Variants in NXPH3 observed in about 807,000 individuals in gnomAD.
The protein encoded by NXPH3 is neurexophilin-3.
NXPH3 carries 7 observed loss-of-function variants against 18.8 expected under a neutral mutation model. The observed-to-expected ratio is 0.37, with a 90% CI of 0.21 to 0.70. The LOEUF (loss-of-function observed/expected upper bound fraction) is 0.70, where lower values mean the gene tolerates loss of function less well. Ranked by LOEUF, NXPH3 falls within the 30% of genes least tolerant of loss-of-function variation. The pLI is 0.53. For synonymous variants in NXPH3, 101 were observed against 137.3 expected, an observed-to-expected ratio of 0.74 and a Z score of 1.85; for missense variants, 282 against 338.1, an observed-to-expected ratio of 0.83 and a Z score of 1.30.
Position 49,581,975 on chromosome 17 carries a change from T to C in NXPH3, c.*2675T>C, listed in dbSNP as rs1427652592. The C allele has an allele frequency of 2.0e-5, 12 of 598,652 alleles. No homozygotes were observed. Among genetic ancestry groups the C allele is most frequent in the Middle Eastern group, 3.4e-4 (1 of 2,900 alleles). The allele number at this position is 598,652 out of a possible 1,614,324, so 37.1% of individuals were successfully genotyped here. A position where few individuals can be genotyped will look rare whatever the true frequency, so the allele number is the denominator to read the frequency against. On this transcript the variant is annotated 3_prime_UTR_variant, in exon 2 of 2. Coordinates refer to ENST00000328741, the MANE Select transcript of NXPH3 (RefSeq NM_007225.4). ...TGCCGCCTCATCCCTCCTTTCCACC[T>C]TCCCCAGTAGCCTGGCTGCTCTCCT...
chr17:49,576,368 C>A, intron 1 of NXPH3, 95 bp downstream of exon 1: 1 of 1,355,412 alleles, frequency 7.4e-7, no homozygotes, highest in Non-Finnish European at 1.0e-6. Flanking sequence ...TTTCTCCCTT[C>A]CCCCGACATC....
chr17:49,577,456 G>A (rs996447008), intron 1 of NXPH3, among the ~76,000 whole-genome samples: 9 of 152,172 alleles, frequency 5.9e-5, no homozygotes, highest in Non-Finnish European at 1.2e-4. Context: ...CCACAGCCAG[G>A]CTGCGCCTCA....
rs2071579546 is a variant in NXPH3, at chr17:49,578,031, C to T, written c.55-565C>T. The T allele has an allele frequency of 6.6e-6, 1 of 152,646 alleles. No homozygotes were observed. Among genetic ancestry groups the T allele is most frequent in the Non-Finnish European group, 1.5e-5 (1 of 68,398 alleles). 9.5% of individuals were successfully genotyped at this position (152,646 alleles called of 1,614,324 possible). A position where few individuals can be genotyped will look rare whatever the true frequency, so the allele number is the denominator to read the frequency against. ...GTCTTACCCAACAGACTAGGAAGTC[C>T]CAAAAGGCAGGGGCTGGCCTCTCCT... On this transcript the variant is annotated intron_variant, in intron 1 of 1. Transcript: ENST00000328741. The surrounding 1 kb of genome is among the most constrained non-coding windows in gnomAD (Gnocchi z 4.5).
Position 49,579,598 on chromosome 17 carries a change from G to A in NXPH3, c.*298G>A. On this transcript the variant is annotated 3_prime_UTR_variant, in exon 2 of 2. Transcript: ENST00000328741. This position sits in a 1 kb window ranked among gnomAD's most constrained non-coding sequence, Gnocchi z 6.0. ...AGCCACAGAGAGATGCTGGGTCCCC[G>A]AGGCCTGTGGGCAGGCCGATCAGTG... 7.1e-6 allele frequency: 3 copies of A among 422,874 alleles called. No homozygotes were observed. The highest frequency in any genetic ancestry group is 3.9e-5 in the Admixed American group (1 of 25,448). The allele number at this position is 422,874 out of a possible 1,614,324, so 26.2% of individuals were successfully genotyped here.
chr17:49,582,251 G>A lies in NXPH3; in HGVS notation c.*2951G>A, dbSNP rs2071604622. On this transcript the variant is annotated 3_prime_UTR_variant, in exon 2 of 2. Transcript: ENST00000328741. ...CACTCTTGCCATGCACACACTCACA[G>A]GAGATTCCTCTGAAGAAACCTGTCC... 1 of 253,152 alleles carries A rather than the reference G, an allele frequency of 4.0e-6. No homozygotes were observed. The highest frequency in any genetic ancestry group is 7.5e-6 in the Non-Finnish European group (1 of 132,550). The allele number at this position is 253,152 out of a possible 1,614,324, so 15.7% of individuals were successfully genotyped here. A position where few individuals can be genotyped will look rare whatever the true frequency, so the allele number is the denominator to read the frequency against.
At position 49,578,985 on chromosome 17, in the gene NXPH3, C is replaced by T. The variant is rs1300573999; in HGVS notation, c.444C>T (p.Leu148=). Residue 148 remains leucine (L), a synonymous_variant, in exon 2 of 2, where the codon CTC becomes CTT. Coordinates refer to ENST00000328741, the MANE Select transcript of NXPH3 (RefSeq NM_007225.4). This position sits in a 1 kb window ranked among gnomAD's most constrained non-coding sequence, Gnocchi z 4.5. ...GCCAGGGAAACATCTCCATCAGCCT[C>T]GTGCCCCCCAGTAAAGCTGTAGAGT... ...ATGQGNISIS[L]VPPSKAVEFH... 7 of 1,614,220 alleles carry T rather than the reference C, an allele frequency of 4.3e-6. No homozygotes were observed. The South Asian group carries it at 4.4e-5, about 10-fold the overall frequency.
chr17:49,581,444 T>C lies in NXPH3; in HGVS notation c.*2144T>C. ...ACCTTTCGCCCCTGCCCACCAGCGC[T>C]CCGCGCAAACTGGTCCCCTCATACT... On this transcript the variant is annotated 3_prime_UTR_variant, in exon 2 of 2. Transcript: ENST00000328741. 1.7e-6 allele frequency: 1 copy of C among 601,976 alleles called. No homozygotes were observed. Among genetic ancestry groups the C allele is most frequent in the East Asian group, 2.8e-5 (1 of 36,022 alleles). The allele number at this position is 601,976 out of a possible 1,614,324, so 37.3% of individuals were successfully genotyped here.
Position 49,582,163 on chromosome 17 carries a change from A to C in NXPH3, c.*2863A>C. 2.2e-6 allele frequency: 1 copy of C among 447,322 alleles called. No homozygotes were observed. The highest frequency in any genetic ancestry group is 3.9e-6 in the Non-Finnish European group (1 of 253,186). 27.7% of individuals were successfully genotyped at this position (447,322 alleles called of 1,614,324 possible). A position where few individuals can be genotyped will look rare whatever the true frequency, so the allele number is the denominator to read the frequency against. ...GCTAAGAAGACGTCACCTCTGCCCC[A>C]TTGGCGAGCAGTGTCCCCATGGTGA... On this transcript the variant is annotated 3_prime_UTR_variant, in exon 2 of 2. Transcript: ENST00000328741.
chr17:49,582,206 G>A lies in NXPH3; in HGVS notation c.*2906G>A, dbSNP rs912579282. ...CATGGTGATGCCCCCCCACCATCACGACGAAGTGCGCTGGCCTCCCACTCT... is the reference window on the plus strand; with the variant it reads ...CATGGTGATGCCCCCCCACCATCACAACGAAGTGCGCTGGCCTCCCACTCT... On this transcript the variant is annotated 3_prime_UTR_variant, in exon 2 of 2. Transcript: ENST00000328741. The A allele has an allele frequency of 2.9e-6, 1 of 350,148 alleles. No individual in the cohort carries two copies. Among genetic ancestry groups the A allele is most frequent in the Admixed American group, 4.4e-5 (1 of 22,722 alleles). 21.7% of individuals were successfully genotyped at this position (350,148 alleles called of 1,614,324 possible).
chr17:49,578,583 A>G lies in NXPH3; in HGVS notation c.55-13A>G. The stretch of plus-strand genomic sequence containing the variant: ...GGACAGGGCTCTCACTGTACTCACA[A>G]CTCCCTCCATAGGTCATCTGTGGCC... On this transcript the variant is annotated splice_polypyrimidine_tract_variant and intron_variant, in intron 1 of 1. Coordinates refer to ENST00000328741, the MANE Select transcript of NXPH3 (RefSeq NM_007225.4). This position sits in a 1 kb window ranked among gnomAD's most constrained non-coding sequence, Gnocchi z 4.5. The G allele has an allele frequency of 6.5e-7, 1 of 1,533,150 alleles. No homozygotes were observed. Among genetic ancestry groups the G allele is most frequent in the Non-Finnish European group, 8.8e-7 (1 of 1,142,406 alleles). The allele number at this position is 1,533,150 out of a possible 1,614,324, so 95.0% of individuals were successfully genotyped here.
chr17:49,578,403 G>A lies in NXPH3; in HGVS notation c.55-193G>A, dbSNP rs575501148. On this transcript the variant is annotated intron_variant, in intron 1 of 1. Transcript: ENST00000328741. This position sits in a 1 kb window ranked among gnomAD's most constrained non-coding sequence, Gnocchi z 4.5. ...AGTGAGGAAAGGACAATGGGGGGGG[G>A]GGTGACCCAACTGTCAGAACCTGAG... Among the ~76,000 whole-genome samples the A allele has an allele frequency of 3.0e-4, 46 of 151,964 alleles. No individual in the cohort carries two copies. The highest frequency in any genetic ancestry group is 3.4e-3 in the Middle Eastern group (1 of 292).
Position 49,576,407 on chromosome 17 carries a change from G to T in NXPH3, c.54+134G>T, listed in dbSNP as rs1432527202. 8 of 1,027,612 alleles carry T rather than the reference G, an allele frequency of 7.8e-6. No individual in the cohort carries two copies. In the East Asian group the frequency reaches 2.1e-4, roughly 27 times the overall value. The allele number at this position is 1,027,612 out of a possible 1,614,324, so 63.7% of individuals were successfully genotyped here. ...GGGATGGCGGGGAAGACTGGAGGCTGGGGGAGAGGGCGGGTCCGAGGCCGG... is the reference window on the plus strand; with the variant it reads ...GGGATGGCGGGGAAGACTGGAGGCTTGGGGAGAGGGCGGGTCCGAGGCCGG... On this transcript the variant is annotated intron_variant, in intron 1 of 1. Transcript: ENST00000328741.
chr17:49,578,480 G>T lies in NXPH3; in HGVS notation c.55-116G>T. On this transcript the variant is annotated intron_variant, in intron 1 of 1. Coordinates refer to ENST00000328741, the MANE Select transcript of NXPH3 (RefSeq NM_007225.4). The surrounding 1 kb of genome is among the most constrained non-coding windows in gnomAD (Gnocchi z 4.5). Reference sequence around the variant, plus strand: ...GCCCCCCAGCTTCAGTGGGCAAGACGCAGGAGCTCCTCACCCAGGTCAGAG... The same window carrying T: ...GCCCCCCAGCTTCAGTGGGCAAGACTCAGGAGCTCCTCACCCAGGTCAGAG... 1 of 790,914 alleles carries T rather than the reference G, an allele frequency of 1.3e-6. No individual in the cohort carries two copies. Among genetic ancestry groups the T allele is most frequent in the Non-Finnish European group, 2.0e-6 (1 of 498,272 alleles). The allele number at this position is 790,914 out of a possible 1,614,324, so 49.0% of individuals were successfully genotyped here.
chr17:49,581,684 G>A lies in NXPH3; in HGVS notation c.*2384G>A, dbSNP rs934222547. 1.1e-5 allele frequency: 8 copies of A among 702,486 alleles called. No individual in the cohort carries two copies. The highest frequency in any genetic ancestry group is 5.4e-5 in the East Asian group (2 of 37,286). The allele number at this position is 702,486 out of a possible 1,614,324, so 43.5% of individuals were successfully genotyped here. On this transcript the variant is annotated 3_prime_UTR_variant, in exon 2 of 2. Transcript: ENST00000328741. ...AGCAGCCCACCAATGGACACCCACC[G>A]TGTGCCGTTCAGCCTCCCACAGTGC... is the stretch of plus-strand genomic sequence containing the variant.
At chr17:49,576,358 T>A (rs1173164739) in intron 1 of NXPH3, 85 bp downstream of exon 1, 1 of 1,440,156 alleles carries the variant, frequency 6.9e-7, no homozygotes, top group East Asian at 2.5e-5. Flanking sequence ...GCCCTGAAAC[T>A]TTCTCCCTTC....
At position 49,582,235 on chromosome 17, in the gene NXPH3, C is replaced by T. The variant is rs1597889677; in HGVS notation, c.*2935C>T. ...AAGTGCGCTGGCCTCCCACTCTTGC[C>T]ATGCACACACTCACAGGAGATTCCT... On this transcript the variant is annotated 3_prime_UTR_variant, in exon 2 of 2. Coordinates refer to ENST00000328741, the MANE Select transcript of NXPH3 (RefSeq NM_007225.4). 6.9e-6 allele frequency: 2 copies of T among 288,038 alleles called. No homozygotes were observed. The highest frequency in any genetic ancestry group is 1.4e-4 in the East Asian group (2 of 14,268). 17.8% of individuals were successfully genotyped at this position (288,038 alleles called of 1,614,324 possible).
Position 49,576,172 on chromosome 17 carries a change from C to T in NXPH3, c.-48C>T, listed in dbSNP as rs1755071350. ...GCAGGAAGGGGAAGGAGGCCTGGGA[C>T]CCCGAAAAGAGAAGGGGAGAGCGAG... is the stretch of plus-strand genomic sequence containing the variant. On this transcript the variant is annotated 5_prime_UTR_variant, in exon 1 of 2. Coordinates refer to ENST00000328741, the MANE Select transcript of NXPH3 (RefSeq NM_007225.4). 1.3e-6 allele frequency: 2 copies of T among 1,552,222 alleles called. No individual in the cohort carries two copies. Among genetic ancestry groups the T allele is most frequent in the African/African-American group, 2.7e-5 (2 of 73,098 alleles).
At position 49,580,097 on chromosome 17, in the gene NXPH3, G is replaced by C. The variant is rs530296740; in HGVS notation, c.*797G>C. 1 of 152,588 alleles carries C rather than the reference G, an allele frequency of 6.6e-6. No homozygotes were observed. The highest frequency in any genetic ancestry group is 1.5e-5 in the Non-Finnish European group (1 of 68,190). 9.5% of individuals were successfully genotyped at this position (152,588 alleles called of 1,614,324 possible). Reference sequence around the variant, plus strand: ...CCCCAACCCCTGCTGGCTCCTCTGGGAGCATCCATGTCCCGGAGAGGGGTC... The same window carrying C: ...CCCCAACCCCTGCTGGCTCCTCTGGCAGCATCCATGTCCCGGAGAGGGGTC... On this transcript the variant is annotated 3_prime_UTR_variant, in exon 2 of 2. Transcript: ENST00000328741.
In NXPH3 at chr17:49,576,224, AACTGACTCGCT is replaced by A; in HGVS notation, c.6_16del (p.Thr4LeufsTer8). On this transcript the variant is annotated frameshift_variant, in exon 1 of 2. Transcript: ENST00000328741. LOFTEE classifies it high-confidence loss of function. ...GGACGAGAGCGGAGGAGGAAGATGC[AACTGACTCGCT>A]GCTGCTTCGTGTTCCTGGTGCAGGG... 1 of 1,567,684 alleles carries A rather than the reference AACTGACTCGCT, an allele frequency of 6.4e-7. No homozygotes were observed. The highest frequency in any genetic ancestry group is 1.4e-5 in the African/African-American group (1 of 73,804).
Sources: allele counts gnomAD v4.1 joint callset (sites outside exome capture counted in the v4.1 genomes callset), GRCh38; gene constraint gnomAD v4.1.1; non-coding constraint Gnocchi (gnomAD v3.1); transcripts MANE v1.5; gene names NCBI Gene and HGNC (gene_info 2026-07-23, HGNC 2026-07-21).